SPNS3: variants seen among roughly 807,000 people sequenced by gnomAD.
SPNS3 encodes protein spinster homolog 3.
A neutral mutation model predicts 54.4 loss-of-function variants in SPNS3; 51 were observed. The observed-to-expected ratio is 0.94, with a 90% CI of 0.75 to 1.18. The LOEUF (loss-of-function observed/expected upper bound fraction) is 1.18. Ranked by LOEUF, SPNS3 falls within the 50% of genes most tolerant of loss-of-function variation. SPNS3 has a pLI of 0.00. For missense variants in SPNS3, 669 were observed against 677.4 expected (o/e 0.99, Z 0.14); for synonymous variants, 309 against 294.7 (o/e 1.05, Z -0.50).
At chr17:4,478,146 A>AT (rs373464221) in intron 8 of SPNS3, among the ~76,000 whole-genome samples, 13 of 150,962 alleles carry the variant, frequency 8.6e-5, no homozygotes, top group Middle Eastern at 3.2e-3. Context: ...TAATTTTTGT[A>AT]TTTTTAGTAG....
intron 2 of SPNS3, among the ~76,000 whole-genome samples, chr17:4,442,592 C>T (rs1325905832): frequency 6.6e-6 from 1 of 152,022 alleles, no homozygotes; most frequent in African/African-American, 2.4e-5. Context: ...GTCAGGCTCC[C>T]TCCAGCCACC....
At chr17:4,438,794 T>C (rs1970776416) in intron 1 of SPNS3, among the ~76,000 whole-genome samples, 1 of 152,254 alleles carries the variant, frequency 6.6e-6, no homozygotes, top group African/African-American at 2.4e-5. Flanking sequence ...GACAGGGGGC[T>C]GCCGCTCCTC....
At chr17:4,437,700 A>G (rs1197747484) in intron 1 of SPNS3, among the ~76,000 whole-genome samples, 1 of 152,102 alleles carries the variant, frequency 6.6e-6, no homozygotes, top group Non-Finnish European at 1.5e-5. Context: ...ATAAAAAACA[A>G]AATATTAAAA....
At chr17:4,445,758 C>CTGGGGG (rs1471312567) in intron 3 of SPNS3, among the ~76,000 whole-genome samples, 1 of 152,040 alleles carries the variant, frequency 6.6e-6, no homozygotes, top group African/African-American at 2.4e-5. Flanking sequence ...CCCGACTCTG[C>CTGGGGG]TGGGGGTGGG....
chr17:4,486,679 C>A lies in SPNS3; in HGVS notation c.1450+96C>A. The A allele has an allele frequency of 7.5e-7, 1 of 1,329,712 alleles. No individual in the cohort carries two copies. The highest frequency in any genetic ancestry group is 1.0e-6 in the Non-Finnish European group (1 of 979,802). 82.4% of individuals were successfully genotyped at this position (1,329,712 alleles called of 1,614,324 possible). The stretch of plus-strand genomic sequence containing the variant: ...TGAATCCCTGGCCAGTTTGTTTGTT[C>A]ATTCATCCAGAAATGCTTAGTACAC... On this transcript the variant is annotated intron_variant, in intron 11 of 11. Transcript: ENST00000355530. The surrounding 1 kb of genome is among the most constrained non-coding windows in gnomAD (Gnocchi z 5.5).
At chr17:4,446,869 C>G in intron 4 of SPNS3, 27 bp from the exon 5 acceptor site, 2 of 1,611,202 alleles carry the variant, frequency 1.2e-6, no homozygotes, top group African/African-American at 2.7e-5. Context: ...CCCCTCACAG[C>G]CCATCGCCCC....
chr17:4,488,177 T>C lies in SPNS3; in HGVS notation c.*283T>C, dbSNP rs1043697133. ...TGGGCCCTGAATAAAGAGAGGCCAGTACAAAGCCCATGGATTTTGGGCCTG... is the reference window on the plus strand; with the variant it reads ...TGGGCCCTGAATAAAGAGAGGCCAGCACAAAGCCCATGGATTTTGGGCCTG... On this transcript the variant is annotated 3_prime_UTR_variant, in exon 12 of 12. Transcript: ENST00000355530. 2.2e-6 allele frequency: 1 copy of C among 461,378 alleles called. No homozygotes were observed. Among genetic ancestry groups the C allele is most frequent in the African/African-American group, 2.0e-5 (1 of 50,728 alleles). 28.6% of individuals were successfully genotyped at this position (461,378 alleles called of 1,614,324 possible). A position where few individuals can be genotyped will look rare whatever the true frequency, so the allele number is the denominator to read the frequency against.
chr17:4,441,798 T>C lies in SPNS3; in HGVS notation c.265+2075T>C, dbSNP rs569475996. Among the ~76,000 whole-genome samples the C allele has an allele frequency of 3.9e-5, 5 of 128,582 alleles. No homozygotes were observed. The Admixed American group carries it at 4.0e-4, about 10-fold the overall frequency. 84.4% of individuals were successfully genotyped at this position (128,582 alleles called of 152,430 possible). A position where few individuals can be genotyped will look rare whatever the true frequency, so the allele number is the denominator to read the frequency against. ...TTTTAATAGAGATGGTGGGGGTGTGTTGGGGGGGGTCTCACCATGTTGGCC... is the reference window on the plus strand; with the variant it reads ...TTTTAATAGAGATGGTGGGGGTGTGCTGGGGGGGGTCTCACCATGTTGGCC... On this transcript the variant is annotated intron_variant, in intron 2 of 11. Coordinates refer to ENST00000355530, the MANE Select transcript of SPNS3 (RefSeq NM_182538.5).
intron 2 of SPNS3, among the ~76,000 whole-genome samples, chr17:4,441,807 G>C (rs1277159186): frequency 1.3e-5 from 2 of 150,478 alleles, no homozygotes; most frequent in South Asian, 2.1e-4. Flanking sequence ...GTTGGGGGGG[G>C]TCTCACCATG....
At chr17:4,468,773 T>TTTCTTTCTTTCTTTCTC (rs1555531917) in intron 8 of SPNS3, among the ~76,000 whole-genome samples, 99 of 103,364 alleles carry the variant, frequency 9.6e-4, no homozygotes, top group African/African-American at 3.2e-3. Flanking sequence ...CTCTTTCTTT[T>TTTCTTTCTTTCTTTCTC]TCTTTCTTTC....
At chr17:4,463,631 T>A (rs958630900) in intron 8 of SPNS3, among the ~76,000 whole-genome samples, 7 of 150,052 alleles carry the variant, frequency 4.7e-5, no homozygotes, top group African/African-American at 1.5e-4. Flanking sequence ...CCCAGCTACT[T>A]TGGAGGCTGA....
intron 8 of SPNS3, among the ~76,000 whole-genome samples, chr17:4,456,257 C>A (rs1176633822): frequency 6.6e-6 from 1 of 151,948 alleles, no homozygotes; most frequent in Non-Finnish European, 1.5e-5. Context: ...TGGTCAAGAG[C>A]AGAACTCTTT....
At chr17:4,460,975 G>C in intron 8 of SPNS3, among the ~76,000 whole-genome samples, 1 of 152,074 alleles carries the variant, frequency 6.6e-6, no homozygotes, top group South Asian at 2.1e-4. Flanking sequence ...AAGCCATCTG[G>C]TTCTGGGCTT....
In SPNS3 at chr17:4,453,105, C is replaced by T. The variant is rs1181710377; in HGVS notation, c.1013C>T (p.Pro338Leu). Residue 338 changes from proline (P) to leucine (L), a missense_variant, in exon 8 of 12, where the codon CCA (proline) becomes CTA (leucine). Coordinates refer to ENST00000355530, the MANE Select transcript of SPNS3 (RefSeq NM_182538.5). ...EAARRYKKVIPGAEPLICASS... is the reference protein window; with the variant it reads ...EAARRYKKVILGAEPLICASS... ...GCGAGGAGGTACAAGAAAGTCATTC[C>T]AGGAGCTGAGCCCCTCATCTGCGCC... The T allele has an allele frequency of 6.2e-7, 1 of 1,614,068 alleles. No homozygotes were observed. Among genetic ancestry groups the T allele is most frequent in the Admixed American group, 1.7e-5 (1 of 60,008 alleles).
chr17:4,434,398 G>A (rs1377000287), intron 1 of SPNS3, among the ~76,000 whole-genome samples: 5 of 152,184 alleles, frequency 3.3e-5, no homozygotes, highest in Admixed American at 2.0e-4. Context: ...GGTGGCTCCC[G>A]CTTGTAATTC....
At chr17:4,466,929 C>T (rs1374388636) in intron 8 of SPNS3, among the ~76,000 whole-genome samples, 9 of 152,104 alleles carry the variant, frequency 5.9e-5, no homozygotes, top group African/African-American at 9.6e-5. Context: ...ACAAAGAGAG[C>T]GACAGGGGCA....
chr17:4,461,119 T>A (rs191627261), intron 8 of SPNS3, among the ~76,000 whole-genome samples: 127 of 152,216 alleles, frequency 8.3e-4, no homozygotes, highest in African/African-American at 2.9e-3. Context: ...TCTAGGTTAA[T>A]CTAATTTGTT....
intron 1 of SPNS3, among the ~76,000 whole-genome samples, chr17:4,436,712 T>C (rs1970726874): frequency 2.0e-5 from 3 of 152,220 alleles, no homozygotes; most frequent in Non-Finnish European, 4.4e-5. Context: ...GACTGGGAGC[T>C]TGGACTTTCT....
At chr17:4,463,701 T>C (rs1269045002) in intron 8 of SPNS3, among the ~76,000 whole-genome samples, 1 of 145,802 alleles carries the variant, frequency 6.9e-6, no homozygotes, top group Admixed American at 7.0e-5. Context: ...ATCGTGCCAC[T>C]GCACTCCAGC....
Sources: gnomAD v4.1 joint callset for allele counts (sites outside exome capture counted in the v4.1 genomes callset) on GRCh38, gnomAD v4.1.1 for gene constraint, Gnocchi (gnomAD v3.1) non-coding constraint, MANE v1.5 for transcripts, NCBI Gene and HGNC (gene_info 2026-07-23, HGNC 2026-07-21) for gene names.